The following APLP2 variants were observed in gnomAD, a reference collection of about 807,000 sequenced individuals.
APLP2 encodes the protein CDEI box-binding protein.
A neutral mutation model predicts 89.9 loss-of-function variants in APLP2; 53 were observed. The ratio of observed to expected loss-of-function variants is 0.59; its 90% CI spans 0.47 to 0.74. The LOEUF is 0.74. Ranked by LOEUF, APLP2 falls within the 30% of genes least tolerant of loss-of-function variation. APLP2 has a pLI of 0.00. For synonymous variants in APLP2, 372 were observed against 348.6 expected (o/e 1.07, Z -0.75); for missense variants, 973 against 975.9 (o/e 1.00, Z 0.04).
chr11:130,135,703 C>T lies in APLP2; in HGVS notation c.1825C>T (p.Pro609Ser), dbSNP rs1413050755. ...CCCCTTCCACCCCTTCCCAGCCCTA[C>T]CTGAGAACGAAGGTGTGTATGGGCG... The part of the protein sequence containing the change: ...FHPFHPFPAL[P>S]ENEGSGVGEQ... Residue 609 changes from proline to serine, a missense_variant, in exon 13 of 17, where the codon CCT becomes TCT. Coordinates refer to ENST00000338167, the MANE Select transcript of APLP2 (RefSeq NM_001142276.2). 1 of 1,614,056 alleles carries T rather than the reference C, an allele frequency of 6.2e-7. No individual in the cohort carries two copies. The highest frequency in any genetic ancestry group is 2.2e-5 in the East Asian group (1 of 44,894).
At chr11:130,140,251 G>T in intron 13 of APLP2, 147 bp from the exon 14 acceptor site, 1 of 547,408 alleles carries the variant, frequency 1.8e-6, no homozygotes, top group South Asian at 2.7e-5. Flanking sequence ...GGCACCCTCA[G>T]ACTTGTGAAC....
intron 1 of APLP2, among the ~76,000 whole-genome samples, chr11:130,091,466 C>T (rs1317631421): frequency 7.2e-6 from 1 of 138,516 alleles, no homozygotes; most frequent in Non-Finnish European, 1.6e-5. Context: ...CCTCACCTCC[C>T]AGACGGGGCG....
At chr11:130,085,531 G>A (rs1223678535) in intron 1 of APLP2, among the ~76,000 whole-genome samples, 3 of 152,132 alleles carry the variant, frequency 2.0e-5, no homozygotes, top group Non-Finnish European at 4.4e-5. Context: ...CTTCACTGGA[G>A]AATTCTACTA....
Position 130,123,544 on chromosome 11 carries a change from C to T in APLP2, c.923-68C>T. On this transcript the variant is annotated intron_variant, in intron 6 of 16. Coordinates refer to ENST00000338167, the MANE Select transcript of APLP2 (RefSeq NM_001142276.2). The surrounding 1 kb of genome is among the most constrained non-coding windows in gnomAD (Gnocchi z 4.0). ...CCAGCCCATCCCCCAGCTCGCCAGC[C>T]TGTAGCATTTTGAAGCATTTGACGT... 6.6e-7 allele frequency: 1 copy of T among 1,522,842 alleles called. No homozygotes were observed. Among genetic ancestry groups the T allele is most frequent in the Non-Finnish European group, 8.9e-7 (1 of 1,123,792 alleles). 94.3% of individuals were successfully genotyped at this position (1,522,842 alleles called of 1,614,324 possible). A position where few individuals can be genotyped will look rare whatever the true frequency, so the allele number is the denominator to read the frequency against.
At chr11:130,124,508 C>T (rs909430163) in intron 7 of APLP2, among the ~76,000 whole-genome samples, 1 of 152,184 alleles carries the variant, frequency 6.6e-6, no homozygotes, top group African/African-American at 2.4e-5. Context: ...TCCATGGCTA[C>T]TCCTTTTTCT....
At chr11:130,135,802 AGTTGG>A in intron 13 of APLP2, 87 bp downstream of exon 13, 4 of 1,507,958 alleles carry the variant, frequency 2.7e-6, no homozygotes, top group Non-Finnish European at 9.1e-7. Flanking sequence ...AACCAAATTG[AGTTGG>A]GAGATGGTGT....
At chr11:130,138,790 G>C (rs1392511123) in intron 13 of APLP2, 2 of 148,126 alleles carry the variant, frequency 1.4e-5, no homozygotes, top group Non-Finnish European at 3.0e-5. Context: ...GTAGAGACAG[G>C]GTTTTGCCAT....
Position 130,086,860 on chromosome 11 carries a change from A to G in APLP2, c.105+16778A>G, listed in dbSNP as rs147610093. On this transcript the variant is annotated intron_variant, in intron 1 of 16. Transcript: ENST00000338167. ...ATTCCAAATGTCTGTCTTTATGCCA[A>G]TATCACACTGTTTGATTACTGTAGC... Among the ~76,000 whole-genome samples, 200 of 152,338 alleles carry G rather than the reference A, an allele frequency of 1.3e-3. 2 individuals carry two copies. The highest frequency in any genetic ancestry group is 9.6e-4 in the East Asian group (5 of 5,186).
intron 1 of APLP2, among the ~76,000 whole-genome samples, chr11:130,086,596 T>C (rs896124813): frequency 6.6e-6 from 1 of 152,236 alleles, no homozygotes. Context: ...TTGTGAAATA[T>C]AATGTTATGA....
rs1240878640 is a variant in APLP2 at position 130,070,736 on chromosome 11, A to C, written c.105+654A>C. The C allele has an allele frequency of 3.4e-6, 5 of 1,457,482 alleles. No individual in the cohort carries two copies. In the Admixed American group the frequency reaches 1.2e-4, roughly 36 times the overall value. 90.3% of individuals were successfully genotyped at this position (1,457,482 alleles called of 1,614,324 possible). A position where few individuals can be genotyped will look rare whatever the true frequency, so the allele number is the denominator to read the frequency against. On this transcript the variant is annotated intron_variant, in intron 1 of 16. Coordinates refer to ENST00000338167, the MANE Select transcript of APLP2 (RefSeq NM_001142276.2). ...TTTGCCTGCGTCCGTAGACCGAGGA[A>C]ACCCGCTCTGGGTGCGTTGACCGCT...
At chr11:130,105,525 C>T (rs1947569558) in intron 1 of APLP2, among the ~76,000 whole-genome samples, 1 of 151,956 alleles carries the variant, frequency 6.6e-6, no homozygotes, top group African/African-American at 2.4e-5. Flanking sequence ...ATAATCTAAC[C>T]CTCCTCCTCT....
In APLP2 at chr11:130,084,203, A is replaced by G. The variant is rs1024943048; in HGVS notation, c.105+14121A>G. ...GGAGCTTGCAGTGAGCCGAGATTGC[A>G]CCACTGCACTCCAGCCTGGGCGATA... On this transcript the variant is annotated intron_variant, in intron 1 of 16. Transcript: ENST00000338167. 2.0e-5 allele frequency among the ~76,000 whole-genome samples: 3 copies of G among 151,700 alleles called. No individual in the cohort carries two copies. The South Asian group carries it at 6.2e-4, about 32-fold the overall frequency.
intron 3 of APLP2, among the ~76,000 whole-genome samples, chr11:130,112,522 C>T (rs987343054): frequency 8.7e-5 from 12 of 137,634 alleles, no homozygotes; most frequent in Admixed American, 3.5e-4. Context: ...CTTAACTTTT[C>T]GGTACTTTTT....
rs566982380 is a variant in APLP2, at chr11:130,133,696, C to G, written c.1652C>G (p.Pro551Arg). 1 of 1,614,060 alleles carries G rather than the reference C, an allele frequency of 6.2e-7. No individual in the cohort carries two copies. Among genetic ancestry groups the G allele is most frequent in the Non-Finnish European group, 8.5e-7 (1 of 1,179,914 alleles). Reference protein sequence around the residue: ...NQSLSLLYKVPYVAQEIQEEI... With the variant: ...NQSLSLLYKVRYVAQEIQEEI... Reference sequence around the variant, plus strand: ...AGCCTCTCTCTGCTCTACAAAGTACCTTATGTAGCCCAAGAAATTCAAGAG... The same window carrying G: ...AGCCTCTCTCTGCTCTACAAAGTACGTTATGTAGCCCAAGAAATTCAAGAG... Residue 551 changes from proline (P) to arginine (R), a missense_variant, in exon 12 of 17, where the codon CCT becomes CGT. Transcript: ENST00000338167.
At chr11:130,124,433 T>TC (rs1565591303) in intron 7 of APLP2, among the ~76,000 whole-genome samples, 3 of 152,184 alleles carry the variant, frequency 2.0e-5, no homozygotes, top group African/African-American at 7.2e-5. Context: ...GGTCAGTGGT[T>TC]CAGTTGAGTT....
intron 1 of APLP2, among the ~76,000 whole-genome samples, chr11:130,093,238 G>A (rs1263155876): frequency 6.6e-6 from 1 of 152,190 alleles, no homozygotes; most frequent in South Asian, 2.1e-4. Context: ...CATCTTCTTA[G>A]TGTTCCCTTC....
In APLP2 at chr11:130,120,812, C is replaced by T; in HGVS notation, c.510C>T (p.Val170=). The stretch of plus-strand genomic sequence containing the variant: ...ATCACCAGCACTGGCACACGGTAGT[C>T]AAAGAGGTAAGAGAACTCGGGGGGA... ...CENHQHWHTV[V]KEACLTQGMT... Residue 170 remains valine (V), a synonymous_variant, in exon 4 of 17, where the codon GTC becomes GTT. Transcript: ENST00000338167. 6.2e-7 allele frequency: 1 copy of T among 1,612,640 alleles called. No homozygotes were observed. Among genetic ancestry groups the T allele is most frequent in the South Asian group, 1.1e-5 (1 of 91,050 alleles).
chr11:130,110,653 A>C lies in APLP2; in HGVS notation c.395A>C (p.Lys132Thr), dbSNP rs138645940. The C allele has an allele frequency of 4.8e-5, 78 of 1,613,006 alleles. No homozygotes were observed. In the African/African-American group the frequency reaches 1.0e-3, roughly 21 times the overall value. The change falls in exon 3 of 17, where the codon AAG (lysine) becomes ACG (threonine). Residue 132 changes from lysine to threonine, a missense_variant. Physicochemically the swap from Lys to Thr is moderately conservative, Grantham distance 78 (BLOSUM62 -1). Coordinates refer to ENST00000338167, the MANE Select transcript of APLP2 (RefSeq NM_001142276.2). ...QCKSRFVTPFKCLVGEFVSDV... is the reference protein window; with the variant it reads ...QCKSRFVTPFTCLVGEFVSDV... ...AAGAGTCGCTTTGTTACACCTTTCAAGTGTCTCGGTGAGTGTTCTTGGTTA... is the reference window on the plus strand; with the variant it reads ...AAGAGTCGCTTTGTTACACCTTTCACGTGTCTCGGTGAGTGTTCTTGGTTA...
intron 1 of APLP2, among the ~76,000 whole-genome samples, chr11:130,091,453 G>A (rs1379263077): frequency 2.4e-4 from 26 of 108,906 alleles, no homozygotes; most frequent in Middle Eastern, 7.6e-3. Context: ...GGGCAGAGGC[G>A]CCCCTCACCT....
Sources: gnomAD v4.1 joint callset for allele counts (sites outside exome capture counted in the v4.1 genomes callset) on GRCh38, gnomAD v4.1.1 for gene constraint, Gnocchi (gnomAD v3.1) non-coding constraint, MANE v1.5 for transcripts, NCBI Gene and HGNC (gene_info 2026-07-23, HGNC 2026-07-21) for gene names.